The following DIPK1A variants were observed in gnomAD, a reference collection of about 807,000 sequenced individuals.
The protein encoded by DIPK1A is family with sequence similarity 69 member A.
DIPK1A carries 27 observed loss-of-function variants against 40.8 expected under a neutral mutation model. The ratio of observed to expected loss-of-function variants is 0.66; its 90% CI spans 0.49 to 0.91. DIPK1A has a LOEUF of 0.91. Among genes scored for constraint, DIPK1A ranks in the 40% least tolerant of loss-of-function variants. The probability of loss-of-function intolerance (pLI) is 0.00; values close to 1 mark genes in which losing one functional copy is unlikely to be tolerated. For synonymous variants in DIPK1A, 166 were observed against 171.3 expected (o/e 0.97, Z 0.24); for missense variants, 412 against 505.7 (o/e 0.81, Z 1.78).
intron 1 of DIPK1A, among the ~76,000 whole-genome samples, chr1:92,924,126 A>G (rs1021203117): frequency 2.0e-5 from 3 of 152,198 alleles, no homozygotes; most frequent in South Asian, 2.1e-4. Flanking sequence ...TTTTGATGCT[A>G]TTAAAAGATA....
intron 1 of DIPK1A, among the ~76,000 whole-genome samples, chr1:92,899,016 T>C (rs1296458522): frequency 1.3e-5 from 2 of 152,166 alleles, no homozygotes; most frequent in Non-Finnish European, 2.9e-5. Context: ...TATCCTCCCA[T>C]GTCAGCCTCT....
intron 1 of DIPK1A, among the ~76,000 whole-genome samples, chr1:92,905,334 G>C (rs1017529205): frequency 2.6e-5 from 4 of 151,988 alleles, no homozygotes; most frequent in African/African-American, 4.8e-5. Context: ...CTGTCTTTTG[G>C]ATAGAAGCCA....
chr1:92,891,620 G>A (rs1180165856), intron 1 of DIPK1A, among the ~76,000 whole-genome samples: 2 of 152,190 alleles, frequency 1.3e-5, no homozygotes, highest in African/African-American at 4.8e-5. Flanking sequence ...TTCCAACTGA[G>A]GTACTGGGTT....
At chr1:92,845,860 G>A (rs564372061) in intron 4 of DIPK1A, among the ~76,000 whole-genome samples, 9 of 150,534 alleles carry the variant, frequency 6.0e-5, no homozygotes, top group Non-Finnish European at 8.9e-5. Context: ...AGCCAGGTGC[G>A]GTGGTGCGCC....
downstream of DIPK1A, among the ~76,000 whole-genome samples, chr1:92,840,008 ATTTTTT>A (rs111307161): frequency 4.3e-5 from 6 of 138,304 alleles, no homozygotes; most frequent in African/African-American, 1.6e-4. Context: ...TGCCCTGCTA[ATTTTTT>A]TTTTTTTTTT....
At chr1:92,842,112 A>G, downstream of DIPK1A, 1 of 827,318 alleles carries the variant, frequency 1.2e-6, no homozygotes, top group Non-Finnish European at 1.5e-6. Context: ...ATGTTGTATG[A>G]TGAACAGCTC....
chr1:92,867,688 T>A (rs959215742), intron 2 of DIPK1A, among the ~76,000 whole-genome samples: 5 of 152,112 alleles, frequency 3.3e-5, no homozygotes, highest in Non-Finnish European at 5.9e-5. Context: ...GTATTTTTAG[T>A]AGAGATGGGG....
intron 1 of DIPK1A, among the ~76,000 whole-genome samples, chr1:92,910,841 G>T (rs1240965029): frequency 1.3e-5 from 2 of 152,052 alleles, no homozygotes; most frequent in South Asian, 4.2e-4. Context: ...GGGGTGTAGG[G>T]GATGTATTTA....
chr1:92,902,187 C>CAA (rs1349456125), intron 1 of DIPK1A, among the ~76,000 whole-genome samples: 3 of 152,188 alleles, frequency 2.0e-5, no homozygotes, highest in Non-Finnish European at 4.4e-5. Context: ...AGTGCTGCTT[C>CAA]AACTTAGGCA....
At chr1:92,957,405 G>A (rs1027484081) in intron 1 of DIPK1A, among the ~76,000 whole-genome samples, 4 of 152,236 alleles carry the variant, frequency 2.6e-5, no homozygotes, top group Non-Finnish European at 5.9e-5. Flanking sequence ...GCCAGTCCAG[G>A]AAGTGTTATT....
chr1:92,928,073 C>G (rs1650593512), intron 1 of DIPK1A, among the ~76,000 whole-genome samples: 1 of 152,138 alleles, frequency 6.6e-6, no homozygotes, highest in Non-Finnish European at 1.5e-5. Context: ...ACACTTCCAC[C>G]AGCAGTGTAT....
chr1:92,951,513 T>C (rs1182454901), intron 1 of DIPK1A, among the ~76,000 whole-genome samples: 1 of 152,158 alleles, frequency 6.6e-6, no homozygotes, highest in African/African-American at 2.4e-5. Context: ...AACAGCTGAG[T>C]CACACTGTGC....
In DIPK1A at chr1:92,843,821, G is replaced by T. The variant is rs1199503163; in HGVS notation, c.849C>A (p.Phe283Leu). 6.4e-7 allele frequency: 1 copy of T among 1,551,902 alleles called. No homozygotes were observed. Among genetic ancestry groups the T allele is most frequent in the Non-Finnish European group, 8.7e-7 (1 of 1,147,046 alleles). Residue 283 changes from phenylalanine (F) to leucine (L), a missense_variant, in exon 5 of 5, where the codon TTC becomes TTA. Coordinates refer to ENST00000370310, the MANE Select transcript of DIPK1A (RefSeq NM_001006605.5). ...IGLLEFVEDV[F>L]HGPYGNFLMC... ...TGAGGAAATTTCCGTAGGGGCCATG[G>T]AAAACATCTTCCACAAATTCTAGAA...
intron 1 of DIPK1A, among the ~76,000 whole-genome samples, chr1:92,891,309 G>T (rs1268669678): frequency 6.0e-5 from 9 of 149,764 alleles, no homozygotes; most frequent in Admixed American, 6.0e-4. Context: ...TTTTTTAGTT[G>T]ATCTTTATTA....
In DIPK1A at chr1:92,914,376, C is replaced by T. The variant is rs191616183; in HGVS notation, c.55-37946G>A. Among the ~76,000 whole-genome samples the T allele has an allele frequency of 7.8e-4, 119 of 152,080 alleles. 1 individual carries two copies. The highest frequency in any genetic ancestry group is 2.7e-3 in the African/African-American group (113 of 41,486). ...TGAAGTTCTTTTATACGAGCTTCCC[C>T]TTAAAGTGGAAATAGGAAGACATCA... On this transcript the variant is annotated intron_variant, in intron 1 of 4. Transcript: ENST00000370310.
chr1:92,861,318 TC>T (rs1193176614), intron 2 of DIPK1A, among the ~76,000 whole-genome samples: 174 of 102,000 alleles, frequency 1.7e-3, no homozygotes, highest in South Asian at 9.2e-3. Flanking sequence ...ATTCTCTCTC[TC>T]TCTTTTTTTT....
At chr1:92,914,714 A>G (rs1649976823) in intron 1 of DIPK1A, among the ~76,000 whole-genome samples, 1 of 151,356 alleles carries the variant, frequency 6.6e-6, no homozygotes, top group African/African-American at 2.4e-5. Flanking sequence ...GGTTGCAGTG[A>G]GCCAAGATTG....
intron 1 of DIPK1A, among the ~76,000 whole-genome samples, chr1:92,903,327 T>G (rs1227233193): frequency 6.6e-6 from 1 of 152,166 alleles, no homozygotes; most frequent in Non-Finnish European, 1.5e-5. Context: ...ATTACAGGGG[T>G]GAACCACTAT....
chr1:92,833,495 C>T (rs758256418), intron 4 of DIPK1A: 1 of 1,611,504 alleles, frequency 6.2e-7, no homozygotes, highest in Non-Finnish European at 8.5e-7. Flanking sequence ...TATTAATCTG[C>T]TTTGCAGATG....
Sources: allele counts gnomAD v4.1 joint callset (sites outside exome capture counted in the v4.1 genomes callset), GRCh38; gene constraint gnomAD v4.1.1; transcripts MANE v1.5; gene names NCBI Gene and HGNC (gene_info 2026-07-23, HGNC 2026-07-21).